Variants in MGST1 observed in about 807,000 individuals in gnomAD.
The protein encoded by MGST1 is microsomal glutathione S-transferase 1.
Under a neutral mutation model 8.9 loss-of-function variants are expected in MGST1, and 5 were observed. The ratio of observed to expected loss-of-function variants is 0.56; its 90% CI spans 0.29 to 1.19. The LOEUF (loss-of-function observed/expected upper bound fraction) is 1.19. MGST1 is among the 50% of genes most tolerant of loss of function. MGST1 has a pLI of 0.08. For synonymous variants in MGST1, 54 were observed against 67.8 expected (o/e 0.80, Z 1.00); for missense variants, 182 against 187.4 (o/e 0.97, Z 0.17).
rs71054820 is a variant in MGST1 at position 16,479,535 on chromosome 12, C to CTTTTTTTTTTTTTTTTT, written n.482+95947_482+95948insTTTTTTTTTTTTTTTTT. ...AGGCGTGAGCCACTGCGCCCGGCCT[C>CTTTTTTTTTTTTTTTTT]TTTTTTTTTTTTTTTTGAGACAGGG... On this transcript the variant is annotated intron_variant and non_coding_transcript_variant, in intron 4 of 4. Coordinates refer to the MGST1 transcript ENST00000538857. 7.8e-4 allele frequency among the ~76,000 whole-genome samples: 88 copies of CTTTTTTTTTTTTTTTTT among 113,074 alleles called. 3 individuals are homozygous for CTTTTTTTTTTTTTTTTT. The highest frequency in any genetic ancestry group is 3.3e-3 in the African/African-American group (86 of 26,020). 74.2% of individuals were successfully genotyped at this position (113,074 alleles called of 152,430 possible).
rs1241487359 is a variant in MGST1, at chr12:16,576,243, G to C, written n.483-13285G>C. On this transcript the variant is annotated intron_variant and non_coding_transcript_variant, in intron 4 of 4. Coordinates refer to the MGST1 transcript ENST00000538857. This position sits in a 1 kb window ranked among gnomAD's most constrained non-coding sequence, Gnocchi z 4.1. ...TATAACCTTCCATAGCTCCCCTACTGTATGCAGGATAGATGCAGGGAAGCA... is the reference window on the plus strand; with the variant it reads ...TATAACCTTCCATAGCTCCCCTACTCTATGCAGGATAGATGCAGGGAAGCA... Among the ~76,000 whole-genome samples the C allele has an allele frequency of 6.6e-6, 1 of 152,028 alleles. No homozygotes were observed. Among genetic ancestry groups the C allele is most frequent in the African/African-American group, 2.4e-5 (1 of 41,380 alleles).
At position 16,552,859 on chromosome 12, in the gene MGST1, G is replaced by C. The variant is rs114107340; in HGVS notation, n.483-36669G>C. ...ATGTTGCACTTCAATAATGGTGTTT[G>C]TGCAAGCCAGTTTGATATCCTTATC... On this transcript the variant is annotated intron_variant and non_coding_transcript_variant, in intron 4 of 4. Transcript: ENST00000538857. Among the ~76,000 whole-genome samples, 487 of 152,166 alleles carry C rather than the reference G, an allele frequency of 3.2e-3. 4 individuals are homozygous for C. Among genetic ancestry groups the C allele is most frequent in the African/African-American group, 0.011 (456 of 41,534 alleles).
chr12:16,527,752 CT>C (rs1174985721), intron 4 of MGST1, among the ~76,000 whole-genome samples: 1 of 151,968 alleles, frequency 6.6e-6, no homozygotes, highest in Non-Finnish European at 1.5e-5. Flanking sequence ...CCCATTCTAT[CT>C]TCAGATATTT....
rs115173739 is a variant in MGST1 at position 16,386,313 on chromosome 12, G to A, written n.778+2709G>A. The stretch of plus-strand genomic sequence containing the variant: ...TTCTACTCTGCTGGATAGAAGGAAA[G>A]TGCTCCGCAGGCTCTGAAGAAGCAG... On this transcript the variant is annotated intron_variant and non_coding_transcript_variant, in intron 1 of 1. Coordinates refer to the MGST1 transcript ENST00000359720. Among the ~76,000 whole-genome samples the A allele has an allele frequency of 5.1e-3, 781 of 152,312 alleles. 5 individuals are homozygous for A. The highest frequency in any genetic ancestry group is 0.018 in the African/African-American group (757 of 41,564).
chr12:16,400,136 C>T (rs538618406), intron 1 of MGST1: 27 of 1,452,478 alleles, frequency 1.9e-5, no homozygotes, highest in Non-Finnish European at 2.5e-5. Context: ...ATCTGCTCAG[C>T]ATAGAGGTCA....
intron 4 of MGST1, among the ~76,000 whole-genome samples, chr12:16,577,807 T>C (rs999824188): frequency 3.9e-5 from 6 of 152,210 alleles, no homozygotes; most frequent in Admixed American, 3.3e-4. Flanking sequence ...CCATGATGGT[T>C]CTCTGGATCA....
At chr12:16,419,503 A>G (rs777212671) in intron 1 of MGST1, among the ~76,000 whole-genome samples, 1 of 152,146 alleles carries the variant, frequency 6.6e-6, no homozygotes, top group Non-Finnish European at 1.5e-5. Context: ...TCGACAATGA[A>G]CTTTCTCAAT....
At chr12:16,357,432 T>A (rs1479531756) in intron 2 of MGST1, 173 bp from the exon 3 acceptor site, 4 of 540,406 alleles carry the variant, frequency 7.4e-6, no homozygotes, top group African/African-American at 5.8e-5. Flanking sequence ...CCATGCAAAA[T>A]TTTTTTTAAA....
At chr12:16,481,957 A>C (rs1941366919) in intron 4 of MGST1, among the ~76,000 whole-genome samples, 1 of 152,222 alleles carries the variant, frequency 6.6e-6, no homozygotes, top group Non-Finnish European at 1.5e-5. Context: ...AAATTGCGGA[A>C]CACCACAGTA....
downstream of MGST1, among the ~76,000 whole-genome samples, chr12:16,364,873 T>G (rs1043268297): frequency 1.3e-5 from 2 of 152,188 alleles, no homozygotes; most frequent in Non-Finnish European, 2.9e-5. The surrounding 1 kb of genome is among the most constrained non-coding windows in gnomAD (Gnocchi z 5.7). Context: ...TTTGCTTTCT[T>G]TCTCTTTTGT....
chr12:16,548,061 C>T lies in MGST1; in HGVS notation n.483-41467C>T, dbSNP rs569376964. Among the ~76,000 whole-genome samples the T allele has an allele frequency of 2.0e-5, 3 of 152,234 alleles. No homozygotes were observed. Among genetic ancestry groups the T allele is most frequent in the African/African-American group, 7.2e-5 (3 of 41,528 alleles). On this transcript the variant is annotated intron_variant and non_coding_transcript_variant, in intron 4 of 4. Transcript: ENST00000538857. This position sits in a 1 kb window ranked among gnomAD's most constrained non-coding sequence, Gnocchi z 4.2. ...CAGAATAGAAAATTTGAAATTTAAT[C>T]TGACAACAGCAACAGAGTTGCTTTC... is the stretch of plus-strand genomic sequence containing the variant.
intron 4 of MGST1, among the ~76,000 whole-genome samples, chr12:16,561,541 G>A (rs943254482): frequency 1.3e-5 from 2 of 152,070 alleles, no homozygotes; most frequent in Admixed American, 6.5e-5. Context: ...GAATTCAAAG[G>A]TGCTATAGAG....
chr12:16,373,077 T>A, intron 3 of MGST1, among the ~76,000 whole-genome samples: 1 of 150,130 alleles, frequency 6.7e-6, no homozygotes. Context: ...TATTTGGCCA[T>A]AAAAAAAATT....
At position 16,354,382 on chromosome 12, in the gene MGST1, A is replaced by G; in HGVS notation, c.126+4A>G. On this transcript the variant is annotated splice_donor_region_variant and intron_variant, in intron 2 of 3. Transcript: ENST00000396210. The stretch of plus-strand genomic sequence containing the variant: ...ATTCTATAGATTGACAAGAAAGGTA[A>G]GAAATTTGGAGGTAATATTTTCTTA... The G allele has an allele frequency of 6.3e-7, 1 of 1,587,336 alleles. No homozygotes were observed. The highest frequency in any genetic ancestry group is 1.4e-5 in the African/African-American group (1 of 73,368).
At chr12:16,521,678 T>C (rs1941649132) in intron 4 of MGST1, among the ~76,000 whole-genome samples, 1 of 152,168 alleles carries the variant, frequency 6.6e-6, no homozygotes, top group African/African-American at 2.4e-5. Context: ...AACATATTTT[T>C]TGTCTTTTCC....
In MGST1 at chr12:16,578,818, A is replaced by AAACAACAAC. The variant is rs201327858; in HGVS notation, n.483-10677_483-10669dup. On this transcript the variant is annotated intron_variant and non_coding_transcript_variant, in intron 4 of 4. Coordinates refer to the MGST1 transcript ENST00000538857. Reference sequence around the variant, plus strand: ...GGGAGACAGAGCGAGATTCTGTCTCAAACAACAACAACAACAACAACAACA... The same window carrying AAACAACAAC: ...GGGAGACAGAGCGAGATTCTGTCTCAAACAACAACAACAACAACAACAACAACAACAACA... 3.7e-3 allele frequency among the ~76,000 whole-genome samples: 527 copies of AAACAACAAC among 141,134 alleles called. 6 individuals carry two copies. Among genetic ancestry groups the AAACAACAAC allele is most frequent in the East Asian group, 0.023 (114 of 4,994 alleles). 92.6% of individuals were successfully genotyped at this position (141,134 alleles called of 152,430 possible).
chr12:16,420,335 C>T (rs1456721275), intron 1 of MGST1, among the ~76,000 whole-genome samples: 1 of 152,144 alleles, frequency 6.6e-6, no homozygotes, highest in East Asian at 1.9e-4. Context: ...GGTACACGTT[C>T]ATAATCTAAG....
At chr12:16,405,450 G>T (rs757389508) in intron 1 of MGST1, among the ~76,000 whole-genome samples, 2 of 151,964 alleles carry the variant, frequency 1.3e-5, no homozygotes, top group Non-Finnish European at 2.9e-5. Flanking sequence ...AAAAAGCCCA[G>T]GACTAGAAGG....
At chr12:16,416,700 G>A (rs963139954) in intron 1 of MGST1, among the ~76,000 whole-genome samples, 2 of 152,108 alleles carry the variant, frequency 1.3e-5, no homozygotes, top group Non-Finnish European at 2.9e-5. Context: ...CATTTTGGGG[G>A]AACACAAACA....
Sources: allele counts gnomAD v4.1 joint callset (sites outside exome capture counted in the v4.1 genomes callset), GRCh38; gene constraint gnomAD v4.1.1; non-coding constraint Gnocchi (gnomAD v3.1); transcripts MANE v1.5; gene names NCBI Gene and HGNC (gene_info 2026-07-23, HGNC 2026-07-21).